The following AHR variants were observed in gnomAD, a reference collection of about 807,000 sequenced individuals.
AHR encodes the protein aryl hydrocarbon receptor.
In AHR, 40 loss-of-function variants were observed where a neutral mutation model predicts 86.8. The observed-to-expected ratio is 0.46, with a 90% confidence interval of 0.36 to 0.60. The LOEUF (loss-of-function observed/expected upper bound fraction) is 0.60, where lower values mean the gene tolerates loss of function less well. Ranked by LOEUF, AHR falls within the 20% of genes least tolerant of loss-of-function variation. AHR has a pLI of 0.00. For synonymous variants in AHR, 398 were observed against 354.9 expected, an observed-to-expected ratio of 1.12 and a Z score of -1.37; for missense variants, 1,001 against 1,011.6, an observed-to-expected ratio of 0.99 and a Z score of 0.14.
rs75850162 is a variant in AHR, at chr7:17,339,681, T to C, written c.1856T>C (p.Leu619Pro). The change falls in exon 10 of 11, where the codon CTA (leucine) becomes CCA (proline). Residue 619 changes from leucine (L) to proline (P), a missense_variant. Physicochemically the swap from Leu to Pro is moderately conservative, Grantham distance 98 (BLOSUM62 -3). This residue lies in a region of AHR where 607 missense variants were observed against 543.1 expected (regional missense o/e 1.12). Transcript: ENST00000242057. ...TGTATGGTACAGGAACACCTACATC[T>C]AGAACAGCAACAGCAACATCACCAA... Reference protein sequence around the residue: ...SSCMVQEHLHLEQQQQHHQKQ... With the variant: ...SSCMVQEHLHPEQQQQHHQKQ... 1 of 1,614,062 alleles carries C rather than the reference T, an allele frequency of 6.2e-7. No homozygotes were observed. Among genetic ancestry groups the C allele is most frequent in the Admixed American group, 1.7e-5 (1 of 60,024 alleles).
rs1356237060 is a variant in AHR at position 17,343,709 on chromosome 7, A to G, written c.*645A>G. The G allele has an allele frequency of 6.6e-6, 1 of 152,552 alleles. No homozygotes were observed. Among genetic ancestry groups the G allele is most frequent in the East Asian group, 1.9e-4 (1 of 5,320 alleles). The allele number at this position is 152,552 out of a possible 1,614,324, so 9.4% of individuals were successfully genotyped here. A position where few individuals can be genotyped will look rare whatever the true frequency, so the allele number is the denominator to read the frequency against. ...TAATATCTTTCTGCACACAAATATT[A>G]TTTGTGTTTCCTAAATCCAACCATT... On this transcript the variant is annotated 3_prime_UTR_variant, in exon 11 of 11. Coordinates refer to ENST00000242057, the MANE Select transcript of AHR (RefSeq NM_001621.5).
chr7:17,299,416 C>A, intron 1 of AHR, 87 bp downstream of exon 1: 2 of 1,451,352 alleles, frequency 1.4e-6, no homozygotes, highest in Non-Finnish European at 1.9e-6. Flanking sequence ...CCCCCAAATC[C>A]CTGCGATCCT....
chr7:17,327,147 C>T (rs752991946), intron 3 of AHR, among the ~76,000 whole-genome samples: 24 of 151,920 alleles, frequency 1.6e-4, no homozygotes, highest in Non-Finnish European at 3.1e-4. Flanking sequence ...AGAAATAACA[C>T]ATATAAAATG....
intron 6 of AHR, among the ~76,000 whole-genome samples, chr7:17,333,195 G>A (rs1311908747): frequency 4.6e-5 from 7 of 151,860 alleles, no homozygotes; most frequent in African/African-American, 7.2e-5. Flanking sequence ...CACAGAACAT[G>A]CCCCTTTTGT....
chr7:17,300,666 A>G (rs1781946215), intron 1 of AHR, among the ~76,000 whole-genome samples: 3 of 152,174 alleles, frequency 2.0e-5, no homozygotes, highest in Admixed American at 2.0e-4. Flanking sequence ...GCAGTTTGAG[A>G]CATCGGTTAT....
intron 1 of AHR, among the ~76,000 whole-genome samples, chr7:17,308,729 ACAT>A (rs1321509183): frequency 5.9e-5 from 9 of 151,930 alleles, no homozygotes; most frequent in Non-Finnish European, 1.2e-4. Context: ...ACACACACAC[ACAT>A]CATTTTACCG....
At chr7:17,306,873 G>T (rs17137534) in intron 1 of AHR, among the ~76,000 whole-genome samples, 1 of 151,886 alleles carries the variant, frequency 6.6e-6, no homozygotes, top group South Asian at 2.1e-4. Context: ...CCTTTTCTTG[G>T]CACTTTTGGT....
At chr7:17,317,543 G>A (rs1469770221) in intron 2 of AHR, among the ~76,000 whole-genome samples, 1 of 152,144 alleles carries the variant, frequency 6.6e-6, no homozygotes, top group African/African-American at 2.4e-5. Flanking sequence ...ATTTTAAGAA[G>A]TATGAGGGAA....
rs756005118 is a variant in AHR, at chr7:17,330,092, C to T, written c.574+17C>T. 18 of 1,602,330 alleles carry T rather than the reference C, an allele frequency of 1.1e-5. No individual in the cohort carries two copies. The highest frequency in any genetic ancestry group is 5.6e-5 in the South Asian group (5 of 89,858). On this transcript the variant is annotated intron_variant, in intron 5 of 10. Transcript: ENST00000242057. ...GAATTGAAGGTAAGAATTGATGGTA[C>T]AAAAAATAGTGTTGGTAGTTTTTAA...
chr7:17,305,743 T>TAA (rs1781999099), intron 1 of AHR, among the ~76,000 whole-genome samples: 1 of 152,196 alleles, frequency 6.6e-6, no homozygotes, highest in Admixed American at 6.5e-5. Flanking sequence ...TGAGGTTTTA[T>TAA]AATGAATATT....
In AHR at chr7:17,330,793, C is replaced by T. The variant is rs766135612; in HGVS notation, c.612C>T (p.Asn204=). ...TCCCCCAGACAGTAGTCTGTTATAA[C>T]CCAGACCAGATTCCTCCAGAAAACT... is the stretch of plus-strand genomic sequence containing the variant. ...TGLPQTVVCY[N]PDQIPPENSP... Residue 204 remains asparagine (N), a synonymous_variant, in exon 6 of 11, where the codon AAC becomes AAT. Transcript: ENST00000242057. 9.3e-6 allele frequency: 15 copies of T among 1,612,182 alleles called. No individual in the cohort carries two copies. Among genetic ancestry groups the T allele is most frequent in the Non-Finnish European group, 4.2e-6 (5 of 1,178,782 alleles).
chr7:17,334,992 C>A lies in AHR; in HGVS notation c.1014C>A (p.Ile338=). ...ADMLYCAESH[I]RMIKTGESGM... ...TGCTTTATTGTGCCGAGTCCCATAT[C>A]CGAAGTAAGTTGTAGTTCCTTATGA... Residue 338 remains isoleucine, a synonymous_variant, in exon 8 of 11, where the codon ATC becomes ATA. Coordinates refer to ENST00000242057, the MANE Select transcript of AHR (RefSeq NM_001621.5). The A allele has an allele frequency of 6.2e-7, 1 of 1,611,292 alleles. No homozygotes were observed. Among genetic ancestry groups the A allele is most frequent in the Non-Finnish European group, 8.5e-7 (1 of 1,178,070 alleles).
intron 1 of AHR, among the ~76,000 whole-genome samples, chr7:17,302,253 G>A (rs1294088749): frequency 6.6e-6 from 1 of 151,984 alleles, no homozygotes; most frequent in East Asian, 1.9e-4. Context: ...TGGTGATTAA[G>A]CCATTATGAA....
rs1228412385 is a variant in AHR, at chr7:17,339,401, G to C, written c.1576G>C (p.Gly526Arg). Reference sequence around the variant, plus strand: ...TCAGGATGTGAACTCATTTGCTGGAGGTCACCCAGGGCTCTTTCAAGATAG... The same window carrying C: ...TCAGGATGTGAACTCATTTGCTGGACGTCACCCAGGGCTCTTTCAAGATAG... Reference protein sequence around the residue: ...QPQDVNSFAGGHPGLFQDSKN... With the variant: ...QPQDVNSFAGRHPGLFQDSKN... The change falls in exon 10 of 11, where the codon GGT becomes CGT. Residue 526 changes from glycine to arginine, a missense_variant. Around this residue, in one of 2 missense-constraint regions of AHR, gnomAD observed 607 missense variants for 543.1 expected, o/e 1.12. Coordinates refer to ENST00000242057, the MANE Select transcript of AHR (RefSeq NM_001621.5). 1 of 1,614,160 alleles carries C rather than the reference G, an allele frequency of 6.2e-7. No homozygotes were observed.
At chr7:17,299,733 T>G (rs1781935643) in intron 1 of AHR, among the ~76,000 whole-genome samples, 1 of 152,230 alleles carries the variant, frequency 6.6e-6, no homozygotes, top group African/African-American at 2.4e-5. Flanking sequence ...CGGTCTTAAT[T>G]CTCATTCTTC....
intron 2 of AHR, among the ~76,000 whole-genome samples, chr7:17,319,003 TG>T (rs1479246770): frequency 1.3e-5 from 2 of 151,980 alleles, no homozygotes; most frequent in East Asian, 3.8e-4. Flanking sequence ...GGCTTGGGAG[TG>T]GCAGAGGCAT....
rs190750549 is a variant in AHR, at chr7:17,345,777, G to A, written c.*2713G>A. 336 of 152,694 alleles carry A rather than the reference G, an allele frequency of 2.2e-3. 1 individual carries two copies. In the Middle Eastern group the frequency reaches 0.068, roughly 31 times the overall value. 9.5% of individuals were successfully genotyped at this position (152,694 alleles called of 1,614,324 possible). A position where few individuals can be genotyped will look rare whatever the true frequency, so the allele number is the denominator to read the frequency against. ...TAAAATCACGTTAAACCAAATACAC[G>A]TTTGTCTGTATTGTTAAGTGCCAAA... is the stretch of plus-strand genomic sequence containing the variant. On this transcript the variant is annotated 3_prime_UTR_variant, in exon 11 of 11. Coordinates refer to ENST00000242057, the MANE Select transcript of AHR (RefSeq NM_001621.5).
rs952516947 is a variant in AHR, at chr7:17,315,321, A to G, written c.253+5198A>G. 6.6e-5 allele frequency among the ~76,000 whole-genome samples: 10 copies of G among 152,196 alleles called. No homozygotes were observed. In the East Asian group the frequency reaches 1.2e-3, roughly 18 times the overall value. ...ATAAATTAATATGATAGAACTTTAT[A>G]TAGGATACTTTTATCTCTGCTTTTG... On this transcript the variant is annotated intron_variant, in intron 2 of 10. Coordinates refer to ENST00000242057, the MANE Select transcript of AHR (RefSeq NM_001621.5).
chr7:17,342,712 G>T (rs1782439127), intron 10 of AHR, among the ~76,000 whole-genome samples: 2 of 152,052 alleles, frequency 1.3e-5, no homozygotes, highest in Non-Finnish European at 2.9e-5. Context: ...CAAATTAATG[G>T]AAAAACAGGT....
Sources: allele counts gnomAD v4.1 joint callset (sites outside exome capture counted in the v4.1 genomes callset), GRCh38; gene constraint gnomAD v4.1.1; regional missense constraint gnomAD v4.1.1; transcripts MANE v1.5; gene names NCBI Gene and HGNC (gene_info 2026-07-23, HGNC 2026-07-21).